Variants in ADAMTSL3 observed in about 807,000 individuals in gnomAD.
ADAMTSL3 encodes ADAMTS like 3.
ADAMTSL3 carries 128 observed loss-of-function variants against 201.7 expected under a neutral mutation model. That is an observed-to-expected ratio of 0.63 (90% CI 0.55 to 0.73). ADAMTSL3 has a LOEUF of 0.73. Ranked by LOEUF, ADAMTSL3 falls within the 30% of genes least tolerant of loss-of-function variation. The pLI is 0.00. For synonymous variants in ADAMTSL3, 738 were observed against 748.4 expected (o/e 0.99, Z 0.23); for missense variants, 1,990 against 2,119.6 (o/e 0.94, Z 1.20).
intron 9 of ADAMTSL3, among the ~76,000 whole-genome samples, chr15:83,882,721 C>T (rs1004416100): frequency 8.6e-5 from 13 of 151,990 alleles, no homozygotes; most frequent in African/African-American, 1.9e-4. Flanking sequence ...TATTCTTGTC[C>T]CTCACCACTT....
At chr15:83,780,268 G>A (rs2063145961) in intron 4 of ADAMTSL3, among the ~76,000 whole-genome samples, 1 of 151,854 alleles carries the variant, frequency 6.6e-6, no homozygotes. Flanking sequence ...AAATTAGCTG[G>A]GCATGGTGGC....
chr15:83,733,692 A>G (rs987617013), intron 3 of ADAMTSL3, among the ~76,000 whole-genome samples: 5 of 152,150 alleles, frequency 3.3e-5, no homozygotes, highest in African/African-American at 7.2e-5. Flanking sequence ...TCTGAAGAAA[A>G]TGGTGCTGAT....
intron 19 of ADAMTSL3, among the ~76,000 whole-genome samples, chr15:83,948,241 A>G (rs1021670759): frequency 5.9e-5 from 9 of 152,124 alleles, no homozygotes; most frequent in Admixed American, 5.9e-4. Context: ...GCCAGTGAGA[A>G]CCACTTATGA....
chr15:83,982,247 T>C (rs760970908), intron 20 of ADAMTSL3, 26 bp from the exon 21 acceptor site: 2 of 1,536,006 alleles, frequency 1.3e-6, no homozygotes, highest in Non-Finnish European at 1.8e-6. Flanking sequence ...CGTATTTTCT[T>C]TTCTTTCTTT....
Position 83,831,373 on chromosome 15 carries a change from C to T in ADAMTSL3, c.601-6716C>T, listed in dbSNP as rs1164774875. 3.3e-5 allele frequency among the ~76,000 whole-genome samples: 5 copies of T among 152,018 alleles called. No homozygotes were observed. The East Asian group carries it at 9.6e-4, about 29-fold the overall frequency. On this transcript the variant is annotated intron_variant, in intron 6 of 29. Coordinates refer to ENST00000286744, the MANE Select transcript of ADAMTSL3 (RefSeq NM_207517.3). ...GGATGATGAGCATAAACCCCCTTTT[C>T]AAAAAGTATGAATCAGAAGAATAGA... is the stretch of plus-strand genomic sequence containing the variant.
chr15:83,927,183 C>T (rs553603690), intron 17 of ADAMTSL3, among the ~76,000 whole-genome samples: 31 of 151,624 alleles, frequency 2.0e-4, no homozygotes, highest in Admixed American at 4.6e-4. Flanking sequence ...ATGGCACAGT[C>T]TCGGCCCACT....
chr15:83,811,543 G>A (rs1034406742), intron 5 of ADAMTSL3, among the ~76,000 whole-genome samples: 1 of 152,194 alleles, frequency 6.6e-6, no homozygotes, highest in African/African-American at 2.4e-5. Context: ...ATGCACATGA[G>A]GTGCAATGGT....
chr15:83,881,842 G>A (rs561490844), intron 9 of ADAMTSL3, among the ~76,000 whole-genome samples: 1 of 149,040 alleles, frequency 6.7e-6, no homozygotes, highest in East Asian at 2.0e-4. Context: ...GTAACAGAGC[G>A]AGACTCCCTC....
chr15:83,948,476 CGATGGTGCTTAG>C (rs1219488409), intron 19 of ADAMTSL3, among the ~76,000 whole-genome samples: 2 of 151,416 alleles, frequency 1.3e-5, no homozygotes, highest in African/African-American at 4.9e-5. Flanking sequence ...TTCAGCTTAT[CGATGGTGCTTAG>C]GATGGAAGTG....
rs574072138 is a variant in ADAMTSL3, at chr15:83,967,408, A to G, written c.2491-3076A>G. 2.3e-3 allele frequency among the ~76,000 whole-genome samples: 348 copies of G among 152,340 alleles called. 1 individual carries two copies. Among genetic ancestry groups the G allele is most frequent in the African/African-American group, 7.9e-3 (330 of 41,572 alleles). ...TAATAGACAAACAGAAAGTCAAATC[A>G]TGAGTGAGCTCCCATTCACAATTGC... On this transcript the variant is annotated intron_variant, in intron 19 of 29. Transcript: ENST00000286744.
In ADAMTSL3 at chr15:83,655,831, G is replaced by T. The variant is rs1292430826; in HGVS notation, c.69+1G>T. On this transcript the variant is annotated splice_donor_variant, in intron 2 of 29. Coordinates refer to ENST00000286744, the MANE Select transcript of ADAMTSL3 (RefSeq NM_207517.3). LOFTEE classifies it high-confidence loss of function. ...CTTCATGCACTCTCCCCTCCCGCAGGTAAGGTCATATAGGGAGGGGAAGGG... is the reference window on the plus strand; with the variant it reads ...CTTCATGCACTCTCCCCTCCCGCAGTTAAGGTCATATAGGGAGGGGAAGGG... 6.2e-7 allele frequency: 1 copy of T among 1,613,808 alleles called. No homozygotes were observed. The highest frequency in any genetic ancestry group is 1.1e-5 in the South Asian group (1 of 90,998).
At chr15:83,708,927 C>A (rs1021495187) in intron 3 of ADAMTSL3, among the ~76,000 whole-genome samples, 3 of 152,132 alleles carry the variant, frequency 2.0e-5, no homozygotes, top group African/African-American at 7.2e-5. Context: ...CAAGGACACC[C>A]GTGGTTATTT....
chr15:83,710,883 C>A (rs1202986598), intron 3 of ADAMTSL3, among the ~76,000 whole-genome samples: 1 of 152,122 alleles, frequency 6.6e-6, no homozygotes, highest in Non-Finnish European at 1.5e-5. Flanking sequence ...AGTGTCTTGT[C>A]CAAGATCACA....
At chr15:83,964,703 C>G (rs2142104035) in intron 19 of ADAMTSL3, among the ~76,000 whole-genome samples, 1 of 152,204 alleles carries the variant, frequency 6.6e-6, no homozygotes, top group African/African-American at 2.4e-5. Flanking sequence ...AGAAGAACAA[C>G]CCCAAGACAC....
chr15:84,025,323 G>A lies in ADAMTSL3; in HGVS notation c.4543G>A (p.Ala1515Thr). ...SRQVTCKRTK[A>T]NGTVQVVSPR... Reference sequence around the variant, plus strand: ...GCAGGTGACGTGCAAGCGGACAAAAGCCAATGGAACTGTGCAGGTGGTGTC... The same window carrying A: ...GCAGGTGACGTGCAAGCGGACAAAAACCAATGGAACTGTGCAGGTGGTGTC... Residue 1515 changes from alanine (A) to threonine (T), a missense_variant, in exon 27 of 30, where the codon GCC (alanine) becomes ACC (threonine). Physicochemically the swap from Ala to Thr is moderately conservative, Grantham distance 58. Coordinates refer to ENST00000286744, the MANE Select transcript of ADAMTSL3 (RefSeq NM_207517.3). 6.2e-7 allele frequency: 1 copy of A among 1,614,182 alleles called. No homozygotes were observed. The highest frequency in any genetic ancestry group is 8.5e-7 in the Non-Finnish European group (1 of 1,180,020).
intron 2 of ADAMTSL3, among the ~76,000 whole-genome samples, chr15:83,663,651 G>T (rs1457400962): frequency 6.6e-6 from 1 of 151,792 alleles, no homozygotes; most frequent in Non-Finnish European, 1.5e-5. Flanking sequence ...CGGGTTTTAT[G>T]TCATAAATGT....
intron 15 of ADAMTSL3, among the ~76,000 whole-genome samples, chr15:83,906,397 G>C (rs1282168925): frequency 6.6e-6 from 1 of 151,964 alleles, no homozygotes; most frequent in Non-Finnish European, 1.5e-5. Flanking sequence ...ATTTATTCAG[G>C]TTTTTAGGCT....
At chr15:83,953,442 G>C (rs1389724634) in intron 19 of ADAMTSL3, among the ~76,000 whole-genome samples, 1 of 151,958 alleles carries the variant, frequency 6.6e-6, no homozygotes. Context: ...CTTTTACTTT[G>C]TCCTCTCACT....
chr15:83,923,991 C>G lies in ADAMTSL3; in HGVS notation c.2075C>G (p.Pro692Arg), dbSNP rs766966914. The change falls in exon 17 of 30, where the codon CCA becomes CGA. Residue 692 changes from proline to arginine, a missense_variant. Pro to Arg is a moderately radical substitution (Grantham distance 103). Transcript: ENST00000286744. ...TTGTGTGATATGGTCCACCGTCCTC[C>G]AGCCATGAGCCAGGCCTGTAACACA... ...DSLCDMVHRP[P>R]AMSQACNTEP... The G allele has an allele frequency of 1.2e-6, 2 of 1,614,148 alleles. No homozygotes were observed. Among genetic ancestry groups the G allele is most frequent in the South Asian group, 2.2e-5 (2 of 91,078 alleles).
Sources: allele counts gnomAD v4.1 joint callset (sites outside exome capture counted in the v4.1 genomes callset), GRCh38; gene constraint gnomAD v4.1.1; transcripts MANE v1.5; gene names NCBI Gene and HGNC (gene_info 2026-07-23, HGNC 2026-07-21).